The following MFRP variants were observed in gnomAD, a reference collection of about 807,000 sequenced individuals.
MFRP encodes membrane frizzled-related protein.
In MFRP, 74 loss-of-function variants were observed where a neutral mutation model predicts 65.8. That is an observed-to-expected ratio of 1.12 (90% CI 0.93 to 1.36). The LOEUF (loss-of-function observed/expected upper bound fraction) is 1.36, where lower values mean the gene tolerates loss of function less well. MFRP is among the 40% of genes most tolerant of loss of function. The pLI is 0.00. For missense variants in MFRP, 838 were observed against 736.0 expected (o/e 1.14, Z -1.60); for synonymous variants, 336 against 288.3 (o/e 1.17, Z -1.68).
chr11:119,344,755 T>C lies in MFRP; in HGVS notation c.775A>G (p.Ser259Gly), dbSNP rs1377817060. The C allele has an allele frequency of 6.2e-7, 1 of 1,613,882 alleles. No individual in the cohort carries two copies. Among genetic ancestry groups the C allele is most frequent in the Admixed American group, 1.7e-5 (1 of 60,010 alleles). The change falls in exon 7 of 15, where the codon AGC becomes GGC. Residue 259 changes from serine (S) to glycine (G), a missense_variant and splice_region_variant. Transcript: ENST00000619721. ...WYQAMAPGRG[S>G]CAHDEFRCDQ... ...CAGCGGAACTCATCATGGGCACAGC[T>C]CCCTGGATGTGGGCACCAGGAGTCA...
rs775425747 is a variant in MFRP at position 119,342,639 on chromosome 11, A to G, written c.1344T>C (p.Asp448=). 3 of 1,613,600 alleles carry G rather than the reference A, an allele frequency of 1.9e-6. No individual in the cohort carries two copies. Among genetic ancestry groups the G allele is most frequent in the Non-Finnish European group, 2.5e-6 (3 of 1,179,928 alleles). ...WMCDMWRDCT[D]GSDDNCSGPL... ...GGCCGCTGCAGTTGTCATCGCTGCC[A>G]TCGGTGCAGTCTCTCCACATGTCAC... The change falls in exon 11 of 15, where the codon GAT becomes GAC. Residue 448 remains aspartate (D), a synonymous_variant. Coordinates refer to ENST00000619721, the MANE Select transcript of MFRP (RefSeq NM_031433.4).
Position 119,343,966 on chromosome 11 carries a change from TG to T in MFRP, c.976-3del. ...CACCGAGATATGCCAGGTGCAGAGC[TG>T]GGGGAGGGCATAGGTGGAGCAATTC... On this transcript the variant is annotated splice_region_variant and splice_polypyrimidine_tract_variant and intron_variant, in intron 8 of 14. Transcript: ENST00000619721. 6.2e-7 allele frequency: 1 copy of T among 1,611,806 alleles called. No individual in the cohort carries two copies.
In MFRP at chr11:119,341,164, C is replaced by G; in HGVS notation, c.*384G>C. 3.8e-6 allele frequency: 1 copy of G among 262,368 alleles called. No homozygotes were observed. Among genetic ancestry groups the G allele is most frequent in the Non-Finnish European group, 7.5e-6 (1 of 134,020 alleles). 16.3% of individuals were successfully genotyped at this position (262,368 alleles called of 1,614,324 possible). A position where few individuals can be genotyped will look rare whatever the true frequency, so the allele number is the denominator to read the frequency against. ...TAGAGGCAGACAGCCAGTTGGATCC[C>G]TAGGGCCTAGGACAGGGGCCTGCCA... On this transcript the variant is annotated 3_prime_UTR_variant, in exon 13 of 15. Transcript: ENST00000619721.
At position 119,346,571 on chromosome 11, in the gene MFRP, G is replaced by A; in HGVS notation, c.-58C>T. 6.4e-7 allele frequency: 1 copy of A among 1,571,250 alleles called. No individual in the cohort carries two copies. Among genetic ancestry groups the A allele is most frequent in the Non-Finnish European group, 8.8e-7 (1 of 1,142,338 alleles). On this transcript the variant is annotated 5_prime_UTR_variant, in exon 1 of 15. Transcript: ENST00000619721. ...CTGTGACAGCCCAAGACCCCCAAGG[G>A]CCCACTCGCTGACCACAAACTCCCT...
At position 119,344,377 on chromosome 11, in the gene MFRP, G is replaced by C; in HGVS notation, c.913C>G (p.Leu305Val). The C allele has an allele frequency of 6.2e-7, 1 of 1,613,852 alleles. No homozygotes were observed. The highest frequency in any genetic ancestry group is 8.5e-7 in the Non-Finnish European group (1 of 1,179,916). The change falls in exon 8 of 15, where the codon CTG becomes GTG. Residue 305 changes from leucine (L) to valine (V), a missense_variant. Physicochemically the swap from Leu to Val is conservative, Grantham distance 32 (BLOSUM62 1). Coordinates refer to ENST00000619721, the MANE Select transcript of MFRP (RefSeq NM_031433.4). ...GAGAAAGTGCCCTGGAGGCCAGTCAGATTCCCCCCACACCCTGTAGAGAGG... is the reference window on the plus strand; with the variant it reads ...GAGAAAGTGCCCTGGAGGCCAGTCACATTCCCCCCACACCCTGTAGAGAGG... Reference protein sequence around the residue: ...SAKFSGCGGNLTGLQGTFSTP... With the variant: ...SAKFSGCGGNVTGLQGTFSTP...
At position 119,341,739 on chromosome 11, in the gene MFRP, G is replaced by A. The variant is rs730882144; in HGVS notation, c.1549C>T (p.Arg517Trp). 15 of 1,613,264 alleles carry A rather than the reference G, an allele frequency of 9.3e-6. No homozygotes were observed. The South Asian group carries it at 9.9e-5, about 11-fold the overall frequency. ...LTSLPCYQHF[R>W]RLLCGLLVPR... The stretch of plus-strand genomic sequence containing the variant: ...ACAAGCAGCCCACACAGGAGCCTCC[G>A]GAAATGCTGGTAGCAGGGCAGGCTT... The change falls in exon 13 of 15, where the codon CGG becomes TGG. Residue 517 changes from arginine to tryptophan, a missense_variant. Physicochemically the swap from Arg to Trp is moderately radical, Grantham distance 101. Coordinates refer to ENST00000619721, the MANE Select transcript of MFRP (RefSeq NM_031433.4).
At position 119,339,852 on chromosome 11, in the gene MFRP, C is replaced by CG. The variant is rs1950481955; in HGVS notation, c.*1111-5dup. ...TCCCCTCGAGGTCCCGGCAGTCCTG[C>CG]GGGGTAAGCGGGGCGGCAGGGTGAG... On this transcript the variant is annotated splice_region_variant and splice_polypyrimidine_tract_variant and intron_variant, in intron 14 of 14. Transcript: ENST00000619721. The surrounding 1 kb of genome is among the most constrained non-coding windows in gnomAD (Gnocchi z 5.4). The CG allele has an allele frequency of 9.5e-6, 14 of 1,467,298 alleles. No individual in the cohort carries two copies. Among genetic ancestry groups the CG allele is most frequent in the Non-Finnish European group, 1.2e-5 (13 of 1,117,408 alleles). 90.9% of individuals were successfully genotyped at this position (1,467,298 alleles called of 1,614,324 possible). A position where few individuals can be genotyped will look rare whatever the true frequency, so the allele number is the denominator to read the frequency against.
rs1161718735 is a variant in MFRP at position 119,343,813 on chromosome 11, T to C, written c.1124+3A>G. On this transcript the variant is annotated splice_donor_region_variant and intron_variant, in intron 9 of 14. Coordinates refer to ENST00000619721, the MANE Select transcript of MFRP (RefSeq NM_031433.4). ...ATCCATGGCTCTTCCCTGGCTCCTG[T>C]ACCTGCCCAGGAGGCTGAAGGCCCC... 7 of 1,613,788 alleles carry C rather than the reference T, an allele frequency of 4.3e-6. No individual in the cohort carries two copies. In the Admixed American group the frequency reaches 6.7e-5, roughly 15 times the overall value.
rs1004893867 is a variant in MFRP, at chr11:119,339,249, G to T, written c.*1710C>A. On this transcript the variant is annotated 3_prime_UTR_variant, in exon 15 of 15. Coordinates refer to ENST00000619721, the MANE Select transcript of MFRP (RefSeq NM_031433.4). The surrounding 1 kb of genome is among the most constrained non-coding windows in gnomAD (Gnocchi z 5.4). ...TAGTCATTCACAATATTCCAGGGGG[G>T]CCAGCCCTCCTGGATGACCTGGTTG... 19 of 1,487,884 alleles carry T rather than the reference G, an allele frequency of 1.3e-5. No individual in the cohort carries two copies. Among genetic ancestry groups the T allele is most frequent in the Non-Finnish European group, 1.6e-5 (18 of 1,093,824 alleles). The allele number at this position is 1,487,884 out of a possible 1,614,324, so 92.2% of individuals were successfully genotyped here. A position where few individuals can be genotyped will look rare whatever the true frequency, so the allele number is the denominator to read the frequency against.
intron 8 of MFRP, 82 bp downstream of exon 8, chr11:119,344,233 C>G: frequency 7.6e-7 from 1 of 1,315,658 alleles, no homozygotes; most frequent in Non-Finnish European, 1.1e-6. Context: ...TAGTGTCTAC[C>G]ATGCCATTCC....
Position 119,339,694 on chromosome 11 carries a change from C to A in MFRP, c.*1265G>T, listed in dbSNP as rs1215835983. The A allele has an allele frequency of 6.2e-7, 1 of 1,608,454 alleles. No homozygotes were observed. Among genetic ancestry groups the A allele is most frequent in the African/African-American group, 1.3e-5 (1 of 75,066 alleles). On this transcript the variant is annotated 3_prime_UTR_variant, in exon 15 of 15. Coordinates refer to ENST00000619721, the MANE Select transcript of MFRP (RefSeq NM_031433.4). This position sits in a 1 kb window ranked among gnomAD's most constrained non-coding sequence, Gnocchi z 5.4. ...CGTTCACCAGCACGCGGTCGAAGGG[C>A]AAGGGTGCGTCAGACGGCGGAGGCA...
chr11:119,345,313 C>A, intron 5 of MFRP, 107 bp downstream of exon 5: 1 of 1,176,652 alleles, frequency 8.5e-7, no homozygotes, highest in East Asian at 2.4e-5. Flanking sequence ...GAGGTCTAGT[C>A]TCTCAATTTC....
intron 11 of MFRP, 38 bp downstream of exon 11, chr11:119,342,558 C>T: frequency 6.2e-7 from 1 of 1,610,564 alleles, no homozygotes; most frequent in Non-Finnish European, 8.5e-7. Context: ...GAGGTGGGCA[C>T]CCAGCCTGCT....
Position 119,346,617 on chromosome 11 carries a change from T to C in MFRP, c.-104A>G. 1.7e-6 allele frequency: 2 copies of C among 1,198,140 alleles called. No individual in the cohort carries two copies. Among genetic ancestry groups the C allele is most frequent in the South Asian group, 1.2e-5 (1 of 81,150 alleles). 74.2% of individuals were successfully genotyped at this position (1,198,140 alleles called of 1,614,324 possible). A position where few individuals can be genotyped will look rare whatever the true frequency, so the allele number is the denominator to read the frequency against. On this transcript the variant is annotated 5_prime_UTR_variant, in exon 1 of 15. Coordinates refer to ENST00000619721, the MANE Select transcript of MFRP (RefSeq NM_031433.4). ...TCCCTGTCAGAGGGGCAGCCTCTAC[T>C]ACCCGAGGGAAAAGGCTGCCAGGCT...
At position 119,343,958 on chromosome 11, in the gene MFRP, T is replaced by C. The variant is rs750097436; in HGVS notation, c.982A>G (p.Thr328Ala). 2 of 1,611,344 alleles carry C rather than the reference T, an allele frequency of 1.2e-6. No individual in the cohort carries two copies. The highest frequency in any genetic ancestry group is 1.1e-5 in the South Asian group (1 of 90,972). Residue 328 changes from threonine to alanine, a missense_variant, in exon 9 of 15, where the codon ACC becomes GCC. By Grantham distance (58) the Thr-to-Ala change is moderately conservative (BLOSUM62 0). Coordinates refer to ENST00000619721, the MANE Select transcript of MFRP (RefSeq NM_031433.4). ...LQQYPHQLLC[T>A]WHISVPAGHS... Reference sequence around the variant, plus strand: ...CCGGCAGGCACCGAGATATGCCAGGTGCAGAGCTGGGGGAGGGCATAGGTG... The same window carrying C: ...CCGGCAGGCACCGAGATATGCCAGGCGCAGAGCTGGGGGAGGGCATAGGTG...
At chr11:119,344,610 G>A (rs1950539627) in intron 7 of MFRP, 22 bp downstream of exon 7, 1 of 1,613,872 alleles carries the variant, frequency 6.2e-7, no homozygotes, top group Non-Finnish European at 8.5e-7. Context: ...CTGAAGAGAG[G>A]ACCCCCATGC....
chr11:119,346,394 G>A lies in MFRP; in HGVS notation c.55-20C>T. On this transcript the variant is annotated intron_variant, in intron 1 of 14. Transcript: ENST00000619721. ...CTCGGTCTGGAAGGGGGAGATACTT[G>A]AGGGCTGAGGGCAGCAGTGACCACT... 6.2e-7 allele frequency: 1 copy of A among 1,612,058 alleles called. No individual in the cohort carries two copies.
chr11:119,342,385 C>G (rs1236019315), intron 11 of MFRP, among the ~76,000 whole-genome samples: 1 of 152,170 alleles, frequency 6.6e-6, no homozygotes, highest in African/African-American at 2.4e-5. Flanking sequence ...TTCCCAGATT[C>G]CCATTTCCCT....
Position 119,344,340 on chromosome 11 carries a change from T to C in MFRP, c.950A>G (p.Tyr317Cys), listed in dbSNP as rs151160924. The C allele has an allele frequency of 1.5e-4, 249 of 1,613,748 alleles. 1 individual carries two copies. Among genetic ancestry groups the C allele is most frequent in the Non-Finnish European group, 1.4e-4 (163 of 1,179,972 alleles). The change falls in exon 8 of 15, where the codon TAC (tyrosine) becomes TGC (cysteine). Residue 317 changes from tyrosine to cysteine, a missense_variant. Tyr to Cys is a radical substitution (Grantham distance 194). Coordinates refer to ENST00000619721, the MANE Select transcript of MFRP (RefSeq NM_031433.4). ...GLQGTFSTPS[Y>C]LQQYPHQLLC... is the part of the protein sequence containing the mutation. ...CAGTTGGTGAGGGTACTGCTGCAGGTAGCTGGGAGTAGAGAAAGTGCCCTG... is the reference window on the plus strand; with the variant it reads ...CAGTTGGTGAGGGTACTGCTGCAGGCAGCTGGGAGTAGAGAAAGTGCCCTG...
Sources: gnomAD v4.1 joint callset for allele counts (sites outside exome capture counted in the v4.1 genomes callset) on GRCh38, gnomAD v4.1.1 for gene constraint, Gnocchi (gnomAD v3.1) non-coding constraint, MANE v1.5 for transcripts, NCBI Gene and HGNC (gene_info 2026-07-23, HGNC 2026-07-21) for gene names.